Variants in FAM169A observed in about 807,000 individuals in gnomAD.
The protein encoded by FAM169A is family with sequence similarity 169 member A.
FAM169A carries 24 observed loss-of-function variants against 75.7 expected under a neutral mutation model. The observed-to-expected ratio is 0.32, with a 90% CI of 0.23 to 0.45. FAM169A has a LOEUF of 0.45. Ranked by LOEUF, FAM169A falls within the 20% of genes least tolerant of loss-of-function variation. The probability of loss-of-function intolerance (pLI) is 1.00; values close to 1 mark genes in which losing one functional copy is unlikely to be tolerated. For missense variants in FAM169A, 673 were observed against 784.0 expected, an observed-to-expected ratio of 0.86 and a Z score of 1.69; for synonymous variants, 271 against 271.0, an observed-to-expected ratio of 1.00 and a Z score of 0.00.
At chr5:74,807,120 T>C (rs980917086) in intron 6 of FAM169A, among the ~76,000 whole-genome samples, 2 of 152,168 alleles carry the variant, frequency 1.3e-5, no homozygotes, top group African/African-American at 4.8e-5. Flanking sequence ...TGACTTACAC[T>C]GGGGTTACAT....
At chr5:74,844,440 G>A (rs1296121551) in intron 1 of FAM169A, among the ~76,000 whole-genome samples, 1 of 151,290 alleles carries the variant, frequency 6.6e-6, no homozygotes, top group Non-Finnish European at 1.5e-5. Context: ...TAACACAGTG[G>A]GACCTTGTCT....
intron 11 of FAM169A, among the ~76,000 whole-genome samples, chr5:74,791,418 G>C (rs1180152180): frequency 6.6e-6 from 1 of 152,152 alleles, no homozygotes. Flanking sequence ...TGGCCTAGTG[G>C]TATTAGTTCC....
intron 5 of FAM169A, among the ~76,000 whole-genome samples, chr5:74,827,012 GT>G (rs1748063850): frequency 1.3e-5 from 2 of 152,028 alleles, no homozygotes; most frequent in Admixed American, 1.3e-4. Flanking sequence ...TTGTCTAATG[GT>G]TTCTCATGAA....
intron 4 of FAM169A, among the ~76,000 whole-genome samples, chr5:74,836,926 C>A (rs867805529): frequency 2.1e-5 from 3 of 144,540 alleles, no homozygotes; most frequent in African/African-American, 8.1e-5. Flanking sequence ...CCAGCCTGGG[C>A]GTCAGTAAGC....
At chr5:74,865,634 G>A (rs991124815) in intron 1 of FAM169A, 1 of 152,434 alleles carries the variant, frequency 6.6e-6, no homozygotes, top group East Asian at 1.9e-4. Context: ...CCAGAGGAGG[G>A]AGAATCATAC....
At position 74,781,833 on chromosome 5, in the gene FAM169A, A is replaced by G. The variant is rs760867519; in HGVS notation, c.1640T>C (p.Val547Ala). Reference protein sequence around the residue: ...ERSDGGFPNSVIAEFSEEPVS... With the variant: ...ERSDGGFPNSAIAEFSEEPVS... Reference sequence around the variant, plus strand: ...CGGTTCTTCGGAAAATTCAGCTATCACAGAGTTTGGAAAACCACCATCAGA... The same window carrying G: ...CGGTTCTTCGGAAAATTCAGCTATCGCAGAGTTTGGAAAACCACCATCAGA... The change falls in exon 13 of 13, where the codon GTG becomes GCG. Residue 547 changes from valine (V) to alanine (A), a missense_variant. Physicochemically the swap from Val to Ala is moderately conservative, Grantham distance 64. Coordinates refer to ENST00000687041, the MANE Select transcript of FAM169A (RefSeq NM_001376049.1). 3 of 1,614,104 alleles carry G rather than the reference A, an allele frequency of 1.9e-6. No homozygotes were observed. The highest frequency in any genetic ancestry group is 8.5e-7 in the Non-Finnish European group (1 of 1,180,008).
intron 6 of FAM169A, among the ~76,000 whole-genome samples, chr5:74,808,404 T>C (rs772671425): frequency 6.6e-6 from 1 of 150,666 alleles, no homozygotes; most frequent in Non-Finnish European, 1.5e-5. Context: ...TGATTCCATT[T>C]AGATGAGGTA....
At chr5:74,856,033 G>C (rs1181869254) in intron 1 of FAM169A, among the ~76,000 whole-genome samples, 1 of 152,186 alleles carries the variant, frequency 6.6e-6, no homozygotes, top group Non-Finnish European at 1.5e-5. Context: ...ATTTATTAAA[G>C]AGATTTTCCT....
rs1229914436 is a variant in FAM169A at position 74,809,369 on chromosome 5, C to G, written c.671-4085G>C. 2.0e-5 allele frequency among the ~76,000 whole-genome samples: 3 copies of G among 151,716 alleles called. No individual in the cohort carries two copies. The South Asian group carries it at 6.3e-4, about 32-fold the overall frequency. ...CAGCACTTTGGGAGGCCGAGGTGGG[C>G]GGATCACGAGGTCAGGAGATCGAGA... On this transcript the variant is annotated intron_variant, in intron 6 of 12. Transcript: ENST00000687041.
intron 4 of FAM169A, 127 bp downstream of exon 4, chr5:74,838,838 G>A: frequency 1.4e-6 from 1 of 718,732 alleles, no homozygotes; most frequent in South Asian, 1.7e-5. Flanking sequence ...TCGTAAGAAT[G>A]AAATTCTAGG....
chr5:74,786,695 G>A (rs72764663), intron 11 of FAM169A, among the ~76,000 whole-genome samples: 22,412 of 152,006 alleles, frequency 0.15, 1,881 homozygotes, highest in African/African-American at 0.23. Context: ...GCAGATACTC[G>A]CTTTAAAAGC....
chr5:74,799,227 C>T (rs1193865178), intron 10 of FAM169A: 2 of 1,396,964 alleles, frequency 1.4e-6, no homozygotes, highest in African/African-American at 2.8e-5. Flanking sequence ...ATGCCTATGT[C>T]TGGAGTCAGA....
In FAM169A at chr5:74,778,949, A is replaced by T. The variant is rs2112438379; in HGVS notation, c.*2511T>A. 1 of 152,214 alleles carries T rather than the reference A, an allele frequency of 6.6e-6. No individual in the cohort carries two copies. Among genetic ancestry groups the T allele is most frequent in the East Asian group, 1.9e-4 (1 of 5,186 alleles). The allele number at this position is 152,214 out of a possible 1,614,324, so 9.4% of individuals were successfully genotyped here. On this transcript the variant is annotated 3_prime_UTR_variant, in exon 13 of 13. Transcript: ENST00000687041. ...CTGATTAAGTTCATGTAGGTTCCTT[A>T]TTGAAGATAAATTGTGGTATAAATT...
intron 5 of FAM169A, 110 bp from the exon 6 acceptor site, chr5:74,814,129 A>G (rs1580117039): frequency 2.8e-6 from 2 of 708,196 alleles, no homozygotes; most frequent in East Asian, 6.0e-5. Context: ...CTATATCAAA[A>G]AACGTTAAAT....
intron 6 of FAM169A, among the ~76,000 whole-genome samples, chr5:74,812,900 T>G (rs1466100135): frequency 6.6e-6 from 1 of 152,198 alleles, no homozygotes; most frequent in Non-Finnish European, 1.5e-5. Context: ...GTAACCCTCA[T>G]ATAATATTGC....
At chr5:74,800,821 G>C (rs1746534081) in intron 10 of FAM169A, 59 bp downstream of exon 10, 1 of 846,600 alleles carries the variant, frequency 1.2e-6, no homozygotes, top group African/African-American at 1.8e-5. Flanking sequence ...TAATATAAAA[G>C]TATAAACAAA....
chr5:74,838,908 A>G, intron 4 of FAM169A, 57 bp downstream of exon 4: 1 of 1,181,726 alleles, frequency 8.5e-7, no homozygotes, highest in Non-Finnish European at 1.3e-6. Context: ...CACTGTTTAC[A>G]GGAAACACTG....
intron 5 of FAM169A, among the ~76,000 whole-genome samples, chr5:74,816,416 G>A (rs1747475089): frequency 6.6e-6 from 1 of 152,062 alleles, no homozygotes; most frequent in African/African-American, 2.4e-5. Flanking sequence ...TTCTAGTAAA[G>A]GGAAATTCCA....
At chr5:74,788,480 C>T (rs1440222552) in intron 11 of FAM169A, among the ~76,000 whole-genome samples, 3 of 151,982 alleles carry the variant, frequency 2.0e-5, no homozygotes, top group South Asian at 2.1e-4. Context: ...CCAAGGCGGG[C>T]GTATCACCTG....
Sources: allele counts gnomAD v4.1 joint callset (sites outside exome capture counted in the v4.1 genomes callset), GRCh38; gene constraint gnomAD v4.1.1; transcripts MANE v1.5; gene names NCBI Gene and HGNC (gene_info 2026-07-23, HGNC 2026-07-21).